Variants in C11orf54 observed in about 807,000 individuals in gnomAD.
C11orf54 encodes the protein beta-keto L-gulonate decarboxylase.
Under a neutral mutation model 35.5 loss-of-function variants are expected in C11orf54, and 29 were observed. That is an observed-to-expected ratio of 0.82 (90% CI 0.61 to 1.11). The LOEUF (loss-of-function observed/expected upper bound fraction) is 1.11. Among genes scored for constraint, C11orf54 ranks in the 50% most tolerant of loss-of-function variants. The probability of loss-of-function intolerance (pLI) is 0.00; values close to 1 mark genes in which losing one functional copy is unlikely to be tolerated. For synonymous variants in C11orf54, 108 were observed against 121.1 expected (o/e 0.89, Z 0.71); for missense variants, 373 against 369.2 (o/e 1.01, Z -0.08).
In C11orf54 at chr11:93,762,456, A is replaced by G. The variant is rs1462851338; in HGVS notation, c.*768A>G. On this transcript the variant is annotated 3_prime_UTR_variant, in exon 9 of 9. Coordinates refer to ENST00000354421, the MANE Select transcript of C11orf54 (RefSeq NM_001286069.2). ...TACCCTTCTGGTGAAGTTAAACCAT[A>G]GAAGTTTACAATTTGCCTTTCACAA... 1 of 152,230 alleles carries G rather than the reference A, an allele frequency of 6.6e-6. No individual in the cohort carries two copies. Among genetic ancestry groups the G allele is most frequent in the Admixed American group, 6.5e-5 (1 of 15,280 alleles). 9.4% of individuals were successfully genotyped at this position (152,230 alleles called of 1,614,324 possible).
At position 93,761,745 on chromosome 11, in the gene C11orf54, TATTA is replaced by T. The variant is rs1162692566; in HGVS notation, c.*64_*67del. ...ATTAAGGTTAATTAATTGATTGACT[TATTA>T]ATTAATACTGATATAAAACCAATAG... On this transcript the variant is annotated 3_prime_UTR_variant, in exon 9 of 9. Transcript: ENST00000354421. The T allele has an allele frequency of 1.5e-5, 22 of 1,421,844 alleles. No individual in the cohort carries two copies. The highest frequency in any genetic ancestry group is 1.2e-4 in the South Asian group (9 of 72,848). The allele number at this position is 1,421,844 out of a possible 1,614,324, so 88.1% of individuals were successfully genotyped here.
At chr11:93,757,960 C>T (rs1284769983) in intron 7 of C11orf54, among the ~76,000 whole-genome samples, 1 of 152,124 alleles carries the variant, frequency 6.6e-6, no homozygotes, top group African/African-American at 2.4e-5. Context: ...AAGATAATAT[C>T]TTTGTCCATG....
In C11orf54 at chr11:93,761,608, T is replaced by A; in HGVS notation, c.868T>A (p.Tyr290Asn). ...HYDTTPDIVEYLGYFLPAEFL... is the reference protein window; with the variant it reads ...HYDTTPDIVENLGYFLPAEFL... Reference sequence around the variant, plus strand: ...TGACACTACTCCAGATATAGTGGAATATCTTGGATACTTCTTACCTGCAGA... The same window carrying A: ...TGACACTACTCCAGATATAGTGGAAAATCTTGGATACTTCTTACCTGCAGA... The change falls in exon 9 of 9, where the codon TAT becomes AAT. Residue 290 changes from tyrosine to asparagine, a missense_variant. Physicochemically the swap from Tyr to Asn is moderately radical, Grantham distance 143. Coordinates refer to ENST00000354421, the MANE Select transcript of C11orf54 (RefSeq NM_001286069.2). The A allele has an allele frequency of 6.2e-7, 1 of 1,613,532 alleles. No individual in the cohort carries two copies. Among genetic ancestry groups the A allele is most frequent in the South Asian group, 1.1e-5 (1 of 90,992 alleles).
At chr11:93,748,390 C>T (rs534254040) in intron 2 of C11orf54, among the ~76,000 whole-genome samples, 1 of 152,266 alleles carries the variant, frequency 6.6e-6, no homozygotes, top group East Asian at 1.9e-4. Context: ...TCACTCGATG[C>T]TCCTGCCTCG....
chr11:93,759,392 A>G (rs969086662), intron 7 of C11orf54, among the ~76,000 whole-genome samples: 7 of 152,178 alleles, frequency 4.6e-5, no homozygotes, highest in African/African-American at 1.4e-4. Context: ...AACTATCACA[A>G]GATCAGAAAA....
At position 93,761,542 on chromosome 11, in the gene C11orf54, C is replaced by T. The variant is rs776217133; in HGVS notation, c.802C>T (p.His268Tyr). 41 of 1,610,602 alleles carry T rather than the reference C, an allele frequency of 2.5e-5. No homozygotes were observed. The highest frequency in any genetic ancestry group is 6.7e-5 in the African/African-American group (5 of 74,678). The change falls in exon 9 of 9, where the codon CAT (histidine) becomes TAT (tyrosine). Residue 268 changes from histidine to tyrosine, a missense_variant. His to Tyr is a moderately conservative substitution (Grantham distance 83, BLOSUM62 2). Transcript: ENST00000354421. ...PGFDLRLEHT[H>Y]FFSRHGEGGH... ...GTTTGATTTGCGACTGGAGCACACT[C>T]ATTTTTTTAGTCGTCATGGAGAAGG... is the stretch of plus-strand genomic sequence containing the variant.
At chr11:93,756,251 CTGGAGGATCA>C (rs1323608639) in intron 6 of C11orf54, among the ~76,000 whole-genome samples, 10 of 144,212 alleles carry the variant, frequency 6.9e-5, no homozygotes, top group Non-Finnish European at 1.3e-4. Flanking sequence ...GAGGCCAAAG[CTGGAGGATCA>C]CTTAAGGCTG....
chr11:93,755,542 G>T, intron 6 of C11orf54, 156 bp downstream of exon 6: 1 of 733,334 alleles, frequency 1.4e-6, no homozygotes, highest in Non-Finnish European at 2.2e-6. Flanking sequence ...CTTGAGGTCA[G>T]GAGTTCAAGA....
chr11:93,748,667 C>T (rs945440975), intron 2 of C11orf54, among the ~76,000 whole-genome samples: 3 of 151,724 alleles, frequency 2.0e-5, no homozygotes, highest in Non-Finnish European at 4.4e-5. Flanking sequence ...AAAACCCCAT[C>T]TCTACTAAAA....
intron 1 of C11orf54, among the ~76,000 whole-genome samples, chr11:93,743,582 G>C (rs1942279825): frequency 6.6e-6 from 1 of 152,194 alleles, no homozygotes; most frequent in Non-Finnish European, 1.5e-5. Context: ...GCTGGAGCCG[G>C]AGCGAGCGCT....
At position 93,762,954 on chromosome 11, in the gene C11orf54, AC is replaced by A. The variant is rs1943540269; in HGVS notation, c.*1267del. On this transcript the variant is annotated 3_prime_UTR_variant, in exon 9 of 9. Coordinates refer to ENST00000354421, the MANE Select transcript of C11orf54 (RefSeq NM_001286069.2). Reference sequence around the variant, plus strand: ...TGTGCAAATTTAGGAAGTCTTCAGTACTAAGTACATAATTTTCAAATAATAT... The same window carrying A: ...TGTGCAAATTTAGGAAGTCTTCAGTATAAGTACATAATTTTCAAATAATAT... The A allele has an allele frequency of 1.3e-5, 2 of 152,238 alleles. No homozygotes were observed. Among genetic ancestry groups the A allele is most frequent in the East Asian group, 3.8e-4 (2 of 5,202 alleles). The allele number at this position is 152,238 out of a possible 1,614,324, so 9.4% of individuals were successfully genotyped here.
chr11:93,750,381 G>C lies in C11orf54; in HGVS notation c.91G>C (p.Val31Leu), dbSNP rs199765120. Residue 31 changes from valine (V) to leucine (L), a missense_variant, in exon 3 of 9, where the codon GTC (valine) becomes CTC (leucine). By Grantham distance (32) the Val-to-Leu change is conservative. Transcript: ENST00000354421. ...GGGGTTAAAAGATAACTTTGCTGAT[G>C]TCCAGGTCTCTGTAGTTGATTGCCC... Reference protein sequence around the residue: ...QKGLKDNFADVQVSVVDCPDL... With the variant: ...QKGLKDNFADLQVSVVDCPDL... 2 of 1,613,646 alleles carry C rather than the reference G, an allele frequency of 1.2e-6. No homozygotes were observed. Among genetic ancestry groups the C allele is most frequent in the African/African-American group, 1.3e-5 (1 of 74,882 alleles).
chr11:93,751,507 C>T (rs1022686524), intron 3 of C11orf54, among the ~76,000 whole-genome samples: 3 of 144,536 alleles, frequency 2.1e-5, no homozygotes, highest in Non-Finnish European at 4.5e-5. Flanking sequence ...CAGGTTCAAG[C>T]GATTCTCCAG....
chr11:93,748,786 A>G (rs1049218548), intron 2 of C11orf54, among the ~76,000 whole-genome samples: 9 of 152,008 alleles, frequency 5.9e-5, no homozygotes, highest in African/African-American at 2.2e-4. Flanking sequence ...CGTTGAGCCA[A>G]GATCGCGCCA....
At chr11:93,757,832 T>C (rs1943235766) in intron 7 of C11orf54, among the ~76,000 whole-genome samples, 1 of 152,146 alleles carries the variant, frequency 6.6e-6, no homozygotes, top group South Asian at 2.1e-4. Flanking sequence ...CCGGGCCAGA[T>C]CTTAGGATTG....
intron 2 of C11orf54, among the ~76,000 whole-genome samples, chr11:93,748,408 A>G (rs1042403526): frequency 6.6e-6 from 1 of 152,048 alleles, no homozygotes; most frequent in Admixed American, 6.6e-5. Context: ...TCGGCCACCC[A>G]AAGTGTTGGG....
At chr11:93,748,206 T>C (rs76521635) in intron 2 of C11orf54, among the ~76,000 whole-genome samples, 72 of 152,264 alleles carry the variant, frequency 4.7e-4, no homozygotes, top group African/African-American at 1.4e-3. Context: ...TTTTTTTTTT[T>C]CCCTAATTGA....
intron 7 of C11orf54, among the ~76,000 whole-genome samples, chr11:93,759,540 A>C (rs182078157): frequency 1.3e-5 from 2 of 152,258 alleles, no homozygotes; most frequent in East Asian, 3.9e-4. Context: ...AGAAATACCT[A>C]ATGTAGGTGA....
intron 2 of C11orf54, among the ~76,000 whole-genome samples, chr11:93,747,649 T>TGTCTA (rs61366229): frequency 0.018 from 2,690 of 151,686 alleles, 88 homozygotes; most frequent in African/African-American, 0.061. Context: ...AAATTCTGTC[T>TGTCTA]AAAAAAACTA....
Sources: allele counts gnomAD v4.1 joint callset (sites outside exome capture counted in the v4.1 genomes callset), GRCh38; gene constraint gnomAD v4.1.1; transcripts MANE v1.5; gene names NCBI Gene and HGNC (gene_info 2026-07-23, HGNC 2026-07-21).